Variants in DNAJC6 observed in about 807,000 individuals in gnomAD.
DNAJC6 encodes the protein DnaJ heat shock protein family (Hsp40) member C6.
Under a neutral mutation model 110.0 loss-of-function variants are expected in DNAJC6, and 34 were observed. That is an observed-to-expected ratio of 0.31 (90% CI 0.24 to 0.41). The LOEUF is 0.41. Ranked by LOEUF, DNAJC6 falls within the 10% of genes least tolerant of loss-of-function variation. The probability of loss-of-function intolerance (pLI) is 1.00; values close to 1 mark genes in which losing one functional copy is unlikely to be tolerated. For synonymous variants in DNAJC6, 406 were observed against 437.2 expected, an observed-to-expected ratio of 0.93 and a Z score of 0.89; for missense variants, 1,031 against 1,207.8, an observed-to-expected ratio of 0.85 and a Z score of 2.17.
intron 11 of DNAJC6, 76 bp from the exon 12 acceptor site, chr1:65,392,355 T>C: frequency 1.5e-6 from 2 of 1,335,464 alleles, no homozygotes; most frequent in Non-Finnish European, 2.0e-6. Context: ...TCTGGAATTA[T>C]ATACATATAT....
At chr1:65,312,731 C>T (rs1214778478) in intron 1 of DNAJC6, among the ~76,000 whole-genome samples, 1 of 152,180 alleles carries the variant, frequency 6.6e-6, no homozygotes, top group Non-Finnish European at 1.5e-5. Flanking sequence ...GTTGGGGAAG[C>T]AGCATGTGTC....
At chr1:65,370,101 G>A (rs551101175) in intron 4 of DNAJC6, among the ~76,000 whole-genome samples, 2 of 152,136 alleles carry the variant, frequency 1.3e-5, no homozygotes, top group South Asian at 4.1e-4. Flanking sequence ...GAGGAAATAA[G>A]AGTACTGATG....
chr1:65,410,511 G>A (rs1312415669), intron 17 of DNAJC6, among the ~76,000 whole-genome samples: 1 of 152,128 alleles, frequency 6.6e-6, no homozygotes, highest in African/African-American at 2.4e-5. Context: ...TTATTTAATT[G>A]GTACAGGGTA....
intron 1 of DNAJC6, among the ~76,000 whole-genome samples, chr1:65,362,513 G>T (rs1025778536): frequency 3.9e-5 from 6 of 152,150 alleles, no homozygotes; most frequent in Non-Finnish European, 8.8e-5. Flanking sequence ...TCAGGATGTG[G>T]CATAATAGAG....
intron 1 of DNAJC6, among the ~76,000 whole-genome samples, chr1:65,291,724 A>AATATCACCT: frequency 6.6e-6 from 1 of 152,188 alleles, no homozygotes; most frequent in Non-Finnish European, 1.5e-5. Context: ...GGGTGCTGTA[A>AATATCACCT]ATATCACCTA....
At chr1:65,290,198 AT>A (rs1644854064) in intron 1 of DNAJC6, among the ~76,000 whole-genome samples, 1 of 152,102 alleles carries the variant, frequency 6.6e-6, no homozygotes, top group African/African-American at 2.4e-5. Flanking sequence ...AGATTGCCAA[AT>A]TTTCAGCTGC....
chr1:65,292,698 G>C (rs1161079048), intron 1 of DNAJC6, among the ~76,000 whole-genome samples: 1 of 152,030 alleles, frequency 6.6e-6, no homozygotes, highest in Non-Finnish European at 1.5e-5. Flanking sequence ...GCTTCCCAAA[G>C]TACTGGGAAT....
intron 5 of DNAJC6, 185 bp from the exon 6 acceptor site, chr1:65,384,008 G>C: frequency 2.0e-6 from 1 of 493,068 alleles, no homozygotes; most frequent in Non-Finnish European, 3.3e-6. Context: ...GTCTTTCCTT[G>C]CTGCCTTTGA....
rs1653260022 is a variant in DNAJC6 at position 65,264,799 on chromosome 1, G to A, written c.-264G>A. ...ATTATCATAGCCCGAGTGCTCCTCC[G>A]TTGAGAGACTTCGCCCCCGAGACCG... On this transcript the variant is annotated 5_prime_UTR_variant, in exon 1 of 20. Coordinates refer to the DNAJC6 transcript ENST00000263441. 6.5e-6 allele frequency: 10 copies of A among 1,543,660 alleles called. No homozygotes were observed. The South Asian group carries it at 8.4e-5, about 13-fold the overall frequency.
intron 1 of DNAJC6, among the ~76,000 whole-genome samples, chr1:65,281,203 A>C (rs1293186921): frequency 6.6e-6 from 1 of 152,192 alleles, no homozygotes; most frequent in Non-Finnish European, 1.5e-5. Context: ...ACGGGATTAC[A>C]AGCCTTAGCC....
intron 14 of DNAJC6, among the ~76,000 whole-genome samples, chr1:65,399,394 A>G (rs754394183): frequency 3.9e-5 from 6 of 152,122 alleles, no homozygotes; most frequent in South Asian, 4.1e-4. Context: ...CATGACCACT[A>G]TGGCATTTAT....
At chr1:65,406,191 C>A in intron 16 of DNAJC6, 58 bp downstream of exon 16, 2 of 1,553,904 alleles carry the variant, frequency 1.3e-6, no homozygotes, top group South Asian at 1.2e-5. Flanking sequence ...TGTCATACTG[C>A]CTGAATGTGT....
upstream of DNAJC6, chr1:65,309,506 C>CCCCCGGGT: frequency 8.7e-7 from 1 of 1,146,728 alleles, no homozygotes; most frequent in Non-Finnish European, 1.1e-6. Flanking sequence ...CCCGCCCGGC[C>CCCCCGGGT]GCGTCTCCTT....
At chr1:65,317,098 G>A (rs888618487) in intron 1 of DNAJC6, among the ~76,000 whole-genome samples, 2 of 151,982 alleles carry the variant, frequency 1.3e-5, no homozygotes, top group Admixed American at 6.6e-5. Context: ...ATCTTTGGCC[G>A]TCTGCAGTTG....
chr1:65,340,464 CCTCTA>C (rs1297844323), intron 1 of DNAJC6, among the ~76,000 whole-genome samples: 10 of 152,136 alleles, frequency 6.6e-5, no homozygotes, highest in Admixed American at 6.5e-4. Context: ...TGCACTGAGA[CCTCTA>C]CTCTGTCAAA....
upstream of DNAJC6, chr1:65,309,492 C>A: frequency 1.7e-6 from 2 of 1,155,992 alleles, no homozygotes; most frequent in Non-Finnish European, 2.1e-6. Context: ...AGAGGACGCG[C>A]GCCCCCGCCC....
At chr1:65,366,983 G>C (rs957492365) in intron 4 of DNAJC6, among the ~76,000 whole-genome samples, 1 of 152,104 alleles carries the variant, frequency 6.6e-6, no homozygotes, top group Non-Finnish European at 1.5e-5. Flanking sequence ...AACACACTTC[G>C]TTCCAAATTC....
upstream of DNAJC6, among the ~76,000 whole-genome samples, chr1:65,305,136 T>C (rs1194803656): frequency 1.3e-5 from 2 of 152,260 alleles, no homozygotes; most frequent in Non-Finnish European, 2.9e-5. Flanking sequence ...CTGATCATAA[T>C]ATATTTTGTA....
At chr1:65,281,967 C>T (rs1653867686) in intron 1 of DNAJC6, among the ~76,000 whole-genome samples, 1 of 152,176 alleles carries the variant, frequency 6.6e-6, no homozygotes, top group Non-Finnish European at 1.5e-5. Context: ...GGCCCAGTCA[C>T]CAGGGCTGGA....
Sources: gnomAD v4.1 joint callset for allele counts (sites outside exome capture counted in the v4.1 genomes callset) on GRCh38, gnomAD v4.1.1 for gene constraint, MANE v1.5 for transcripts, NCBI Gene and HGNC (gene_info 2026-07-23, HGNC 2026-07-21) for gene names.